The following PSTPIP2 variants were observed in gnomAD, a reference collection of about 807,000 sequenced individuals.
PSTPIP2 encodes the protein proline-serine-threonine phosphatase interacting protein 2, also known as proline-serine-threonine phosphatase-interacting protein 2.
PSTPIP2 carries 33 observed loss-of-function variants against 63.3 expected under a neutral mutation model. The ratio of observed to expected loss-of-function variants is 0.52; its 90% confidence interval spans 0.40 to 0.70. The LOEUF is 0.70. PSTPIP2 is among the 30% of genes least tolerant of loss of function. The pLI is 0.00. For synonymous variants in PSTPIP2, 125 were observed against 132.7 expected (o/e 0.94, Z 0.40); for missense variants, 312 against 400.7 (o/e 0.78, Z 1.89).
intron 1 of PSTPIP2, among the ~76,000 whole-genome samples, chr18:46,057,925 G>A (rs1239281523): frequency 2.6e-5 from 4 of 151,248 alleles, no homozygotes; most frequent in Non-Finnish European, 4.4e-5. Flanking sequence ...GTGAACCCGG[G>A]AGGCGGAGCT....
intron 1 of PSTPIP2, among the ~76,000 whole-genome samples, chr18:46,043,224 T>TAA (rs34454812): frequency 0.014 from 1,113 of 77,254 alleles, 31 homozygotes; most frequent in Middle Eastern, 0.023. Flanking sequence ...CACCTCTCCT[T>TAA]AAAAAAAAAA....
At chr18:45,986,637 T>G (rs1460651882) in intron 14 of PSTPIP2, among the ~76,000 whole-genome samples, 1 of 152,194 alleles carries the variant, frequency 6.6e-6, no homozygotes, top group Non-Finnish European at 1.5e-5. Flanking sequence ...GGGAGGCTTA[T>G]GAAATGAAGA....
chr18:46,029,332 T>C (rs891357960), intron 2 of PSTPIP2: 3 of 1,556,916 alleles, frequency 1.9e-6, no homozygotes, highest in Non-Finnish European at 2.7e-6. Context: ...AAAGAACTGA[T>C]TGGAAGCATG....
intron 3 of PSTPIP2, 125 bp downstream of exon 3, chr18:46,024,484 A>G: frequency 3.9e-6 from 3 of 766,484 alleles, no homozygotes; most frequent in Non-Finnish European, 4.5e-6. Flanking sequence ...GTGAGATCCC[A>G]TCTCCAAAAA....
chr18:46,043,211 C>A (rs1908254978), intron 1 of PSTPIP2, among the ~76,000 whole-genome samples: 1 of 142,396 alleles, frequency 7.0e-6, no homozygotes, highest in Admixed American at 7.2e-5. Context: ...CATAGCGAAA[C>A]CTCACCTCTC....
Position 45,997,781 on chromosome 18 carries a change from C to G in PSTPIP2, c.610G>C (p.Glu204Gln), listed in dbSNP as rs751774185. Residue 204 changes from glutamate (E) to glutamine (Q), a missense_variant, in exon 9 of 15, where the codon GAG (glutamate) becomes CAG (glutamine). Coordinates refer to ENST00000409746, the MANE Select transcript of PSTPIP2 (RefSeq NM_024430.4). ...GCCTTGATGTGCTCACTCTGCCACTCTTCTCGGACCTTATCCAGGGTGCCG... is the reference window on the plus strand; with the variant it reads ...GCCTTGATGTGCTCACTCTGCCACTGTTCTCGGACCTTATCCAGGGTGCCG... The part of the protein sequence containing the change: ...HIGTLDKVRE[E>Q]WQSEHIKACE... 2 of 1,585,180 alleles carry G rather than the reference C, an allele frequency of 1.3e-6. No individual in the cohort carries two copies. The highest frequency in any genetic ancestry group is 2.8e-5 in the African/African-American group (2 of 72,162).
chr18:46,054,926 C>T (rs1329158899), intron 1 of PSTPIP2, among the ~76,000 whole-genome samples: 1 of 152,070 alleles, frequency 6.6e-6, no homozygotes, highest in African/African-American at 2.4e-5. Flanking sequence ...CAAAAACCTA[C>T]TAATTTTTAA....
At chr18:46,010,810 C>T in intron 5 of PSTPIP2, 1 of 189,460 alleles carries the variant, frequency 5.3e-6, no homozygotes, top group Non-Finnish European at 1.1e-5. Context: ...CACTACTTCT[C>T]CCTTCCCCTA....
At chr18:46,004,161 A>G (rs2051700124) in intron 6 of PSTPIP2, among the ~76,000 whole-genome samples, 1 of 152,238 alleles carries the variant, frequency 6.6e-6, no homozygotes, top group Admixed American at 6.5e-5. Flanking sequence ...ATCATCTATC[A>G]ACTAACACTA....
At chr18:46,057,290 C>T (rs1908793706) in intron 1 of PSTPIP2, among the ~76,000 whole-genome samples, 2 of 152,040 alleles carry the variant, frequency 1.3e-5, no homozygotes. Context: ...TTAACCACCA[C>T]CTTTCTTGGG....
intron 1 of PSTPIP2, among the ~76,000 whole-genome samples, chr18:46,059,502 G>A (rs1908910421): frequency 6.6e-6 from 1 of 152,070 alleles, no homozygotes; most frequent in African/African-American, 2.4e-5. Context: ...GCCTGCCTCA[G>A]CTTCCCAAAG....
At chr18:46,002,880 T>G (rs1161266553) in intron 6 of PSTPIP2, among the ~76,000 whole-genome samples, 1 of 152,280 alleles carries the variant, frequency 6.6e-6, no homozygotes, top group Admixed American at 6.5e-5. Flanking sequence ...ATCTCTGTTA[T>G]CTAGATCTTG....
intron 1 of PSTPIP2, among the ~76,000 whole-genome samples, chr18:46,049,205 C>G (rs1021126439): frequency 5.9e-5 from 9 of 152,010 alleles, no homozygotes; most frequent in African/African-American, 2.2e-4. Flanking sequence ...CCAACTAACA[C>G]AAGAACAGAT....
At chr18:46,059,043 T>G (rs1055700690) in intron 1 of PSTPIP2, among the ~76,000 whole-genome samples, 3 of 140,122 alleles carry the variant, frequency 2.1e-5, no homozygotes, top group Non-Finnish European at 4.6e-5. Flanking sequence ...TTTCTTTTTC[T>G]TTTTTTTTTG....
intron 1 of PSTPIP2, among the ~76,000 whole-genome samples, chr18:46,044,696 G>C (rs1441443940): frequency 6.6e-6 from 1 of 152,040 alleles, no homozygotes; most frequent in East Asian, 1.9e-4. Flanking sequence ...CACAGCAAAA[G>C]AAACTACCAT....
chr18:46,003,239 T>G (rs72920408), intron 6 of PSTPIP2, among the ~76,000 whole-genome samples: 6,323 of 152,296 alleles, frequency 0.042, 224 homozygotes, highest in Admixed American at 0.11. Context: ...CATCATTATT[T>G]CCCGGTGCAG....
chr18:46,029,474 G>A (rs763192386), intron 2 of PSTPIP2: 41 of 1,110,984 alleles, frequency 3.7e-5, no homozygotes, highest in African/African-American at 4.6e-5. Flanking sequence ...TGTTGATTAA[G>A]GCAGTTTATA....
At chr18:46,072,110 G>C in intron 1 of PSTPIP2, 46 bp downstream of exon 1, 1 of 1,517,734 alleles carries the variant, frequency 6.6e-7, no homozygotes. Context: ...CTCCCGCCCG[G>C]GCCGGGTCCT....
chr18:46,002,896 TATTG>T (rs2144072836), intron 6 of PSTPIP2, among the ~76,000 whole-genome samples: 1 of 152,380 alleles, frequency 6.6e-6, no homozygotes, highest in East Asian at 1.9e-4. Context: ...TCTTGGCAGC[TATTG>T]ATTGTCTTTC....
Sources: gnomAD v4.1 joint callset for allele counts (sites outside exome capture counted in the v4.1 genomes callset) on GRCh38, gnomAD v4.1.1 for gene constraint, MANE v1.5 for transcripts, NCBI Gene and HGNC (gene_info 2026-07-23, HGNC 2026-07-21) for gene names.